Variants in NLRP4 observed in about 807,000 individuals in gnomAD.
NLRP4 encodes the protein NACHT, LRR and PYD domains-containing protein 4.
Under a neutral mutation model 84.7 loss-of-function variants are expected in NLRP4, and 44 were observed. That is an observed-to-expected ratio of 0.52 (90% confidence interval 0.41 to 0.67). The LOEUF is 0.67. Among genes scored for constraint, NLRP4 ranks in the 30% least tolerant of loss-of-function variants. NLRP4 has a pLI of 0.00. For synonymous variants in NLRP4, 544 were observed against 476.4 expected (o/e 1.14, Z -1.85); for missense variants, 1,260 against 1,219.4 (o/e 1.03, Z -0.50).
At chr19:55,878,493 A>ATGAAG (rs1568676514) in intron 8 of NLRP4, among the ~76,000 whole-genome samples, 2 of 72,890 alleles carry the variant, frequency 2.7e-5, no homozygotes, top group African/African-American at 9.3e-5. Flanking sequence ...ACGGCTTCAT[A>ATGAAG]CCTTTTTTTG....
At chr19:55,871,072 G>C in intron 7 of NLRP4, 75 bp downstream of exon 7, 5 of 1,297,644 alleles carry the variant, frequency 3.9e-6, no homozygotes, top group Non-Finnish European at 5.5e-6. Flanking sequence ...GGGGCATCTG[G>C]AATTGAGGAA....
At position 55,878,875 on chromosome 19, in the gene NLRP4, C is replaced by A; in HGVS notation, c.2778C>A (p.Leu926=). 6.2e-7 allele frequency: 1 copy of A among 1,613,950 alleles called. No homozygotes were observed. Among genetic ancestry groups the A allele is most frequent in the Non-Finnish European group, 8.5e-7 (1 of 1,179,854 alleles). The change falls in exon 9 of 10, where the codon CTC becomes CTA. Residue 926 remains leucine, a synonymous_variant. Coordinates refer to ENST00000301295, the MANE Select transcript of NLRP4 (RefSeq NM_134444.5). Reference sequence around the variant, plus strand: ...CCTGCAGTAAGACCCTGCAGCAGCTCAACCTGACCTTGAACACCTTGGACC... The same window carrying A: ...CCTGCAGTAAGACCCTGCAGCAGCTAAACCTGACCTTGAACACCTTGGACC... ...VLTCSKTLQQ[L]NLTLNTLDHT... is the part of the protein sequence containing the mutation.
intron 5 of NLRP4, among the ~76,000 whole-genome samples, chr19:55,865,156 A>G (rs981859933): frequency 1.2e-4 from 19 of 152,118 alleles, no homozygotes; most frequent in Admixed American, 6.6e-5. Flanking sequence ...GCTCTCAAGT[A>G]GGCCCTGGTG....
chr19:55,865,359 G>A (rs537979726), intron 5 of NLRP4, among the ~76,000 whole-genome samples: 1 of 152,284 alleles, frequency 6.6e-6, no homozygotes, highest in Non-Finnish European at 1.5e-5. Context: ...TGGTGTATAT[G>A]TATCACATTT....
chr19:55,867,128 C>T (rs1036009670), intron 5 of NLRP4, among the ~76,000 whole-genome samples: 7 of 148,916 alleles, frequency 4.7e-5, no homozygotes, highest in Non-Finnish European at 5.9e-5. Context: ...TGAGACGGTG[C>T]ATCTCAGGTT....
chr19:55,880,638 T>C (rs555131847), intron 9 of NLRP4, among the ~76,000 whole-genome samples: 1 of 152,246 alleles, frequency 6.6e-6, no homozygotes, highest in African/African-American at 2.4e-5. Flanking sequence ...ACCCCAACAG[T>C]GTGGGACAGT....
At position 55,870,984 on chromosome 19, in the gene NLRP4, C is replaced by A; in HGVS notation, c.2512C>A (p.Leu838Met). Residue 838 changes from leucine (L) to methionine (M), a missense_variant, in exon 7 of 10, where the codon CTG becomes ATG. Around this residue, in one of 3 missense-constraint regions of NLRP4, gnomAD observed 544 missense variants for 531.7 expected, o/e 1.02. Coordinates refer to ENST00000301295, the MANE Select transcript of NLRP4 (RefSeq NM_134444.5). Reference sequence around the variant, plus strand: ...GGCCTTGAAACATCCGGACTGCTGCCTGGATTCACTGTGGTAGGCTTTTTG... The same window carrying A: ...GGCCTTGAAACATCCGGACTGCTGCATGGATTCACTGTGGTAGGCTTTTTG... ...CEALKHPDCC[L>M]DSLCLVKCFI... 2 of 1,614,102 alleles carry A rather than the reference C, an allele frequency of 1.2e-6. No homozygotes were observed. The highest frequency in any genetic ancestry group is 1.7e-6 in the Non-Finnish European group (2 of 1,179,944).
chr19:55,881,135 A>G (rs1049572270), intron 9 of NLRP4, among the ~76,000 whole-genome samples: 2 of 35,556 alleles, frequency 5.6e-5, no homozygotes, highest in East Asian at 4.0e-3. Flanking sequence ...GGTGAGAGCC[A>G]CGTGTGTGTG....
intron 2 of NLRP4, among the ~76,000 whole-genome samples, chr19:55,856,431 C>A (rs867784944): frequency 6.6e-6 from 1 of 151,676 alleles, no homozygotes; most frequent in African/African-American, 2.4e-5. Flanking sequence ...GAGGGCCAAT[C>A]GCAGAACTTA....
intron 1 of NLRP4, among the ~76,000 whole-genome samples, chr19:55,851,012 TGGCTGCGGTGTAATGTCCGA>T (rs1261716650): frequency 8.1e-4 from 47 of 58,336 alleles, no homozygotes; most frequent in African/African-American, 2.1e-3. Context: ...GTAATGTCCG[TGGCTGCGGTGTAATGTCCGA>T]GGCTGCGGTG....
chr19:55,874,839 A>T (rs1985313056), intron 7 of NLRP4, among the ~76,000 whole-genome samples: 2 of 152,196 alleles, frequency 1.3e-5, no homozygotes, highest in South Asian at 4.1e-4. Context: ...ATTAAAGGCT[A>T]GTGTCATTCA....
intron 7 of NLRP4, among the ~76,000 whole-genome samples, chr19:55,871,245 G>T (rs1985169289): frequency 6.6e-6 from 1 of 152,194 alleles, no homozygotes; most frequent in Admixed American, 6.5e-5. Flanking sequence ...GACTGAGAGA[G>T]CCGGAATTAG....
rs750193050 is a variant in NLRP4 at position 55,858,378 on chromosome 19, A to C, written c.985A>C (p.Arg329=). The change falls in exon 3 of 10, where the codon AGA becomes CGA. Residue 329 remains arginine, a synonymous_variant. Coordinates refer to ENST00000301295, the MANE Select transcript of NLRP4 (RefSeq NM_134444.5). This position sits in a 1 kb window ranked among gnomAD's most constrained non-coding sequence, Gnocchi z 4.2. The part of the protein sequence containing the change: ...KRAMEAFNLV[R]ESEQLFSICQ... ...AGCCATGGAAGCCTTCAATCTTGTA[A>C]GAGAAAGTGAACAGCTGTTTTCCAT... 4 of 1,614,170 alleles carry C rather than the reference A, an allele frequency of 2.5e-6. No individual in the cohort carries two copies. Among genetic ancestry groups the C allele is most frequent in the Non-Finnish European group, 2.5e-6 (3 of 1,180,016 alleles).
At chr19:55,876,826 T>C (rs182094392) in intron 7 of NLRP4, among the ~76,000 whole-genome samples, 170 bp from the exon 8 acceptor site, 1 of 152,316 alleles carries the variant, frequency 6.6e-6, no homozygotes, top group African/African-American at 2.4e-5. Context: ...TGTGTTATTG[T>C]TTTAATTCTT....
intron 6 of NLRP4, among the ~76,000 whole-genome samples, chr19:55,870,273 A>C (rs1041690830): frequency 6.6e-6 from 1 of 152,170 alleles, no homozygotes; most frequent in African/African-American, 2.4e-5. Flanking sequence ...ACCAAAATTA[A>C]AGCCCTGTTA....
At chr19:55,849,894 C>A (rs1244878051) in intron 1 of NLRP4, among the ~76,000 whole-genome samples, 363 of 15,528 alleles carry the variant, frequency 0.023, 21 homozygotes, top group African/African-American at 0.066. Context: ...ATTTCCGTGG[C>A]CGGCGGTGTA....
At chr19:55,850,034 A>ACTGCGGTGTGATTTCCGAGG (rs1983996279) in intron 1 of NLRP4, among the ~76,000 whole-genome samples, 3 of 18,512 alleles carry the variant, frequency 1.6e-4, no homozygotes, top group African/African-American at 5.5e-4. Flanking sequence ...GATTTCCGAG[A>ACTGCGGTGTGATTTCCGAGG]CTGCGGTGTG....
At chr19:55,839,344 C>T (rs1207718891) in intron 1 of NLRP4, among the ~76,000 whole-genome samples, 1 of 151,554 alleles carries the variant, frequency 6.6e-6, no homozygotes, top group Non-Finnish European at 1.5e-5. Flanking sequence ...CATATACACA[C>T]ATGCTTATGC....
intron 6 of NLRP4, among the ~76,000 whole-genome samples, chr19:55,869,382 C>G (rs1259550261): frequency 1.3e-5 from 1 of 77,996 alleles, no homozygotes; most frequent in Non-Finnish European, 2.7e-5. Context: ...AAAAAATAAA[C>G]CAAAAAAAAA....
Sources: allele counts gnomAD v4.1 joint callset (sites outside exome capture counted in the v4.1 genomes callset), GRCh38; gene constraint gnomAD v4.1.1; regional missense constraint gnomAD v4.1.1; non-coding constraint Gnocchi (gnomAD v3.1); transcripts MANE v1.5; gene names NCBI Gene and HGNC (gene_info 2026-07-23, HGNC 2026-07-21).